Variants in IMPG1 observed in about 807,000 individuals in gnomAD.
IMPG1 encodes interphotoreceptor matrix proteoglycan of 150 kDa.
Under a neutral mutation model 92.0 loss-of-function variants are expected in IMPG1, and 85 were observed. The observed-to-expected ratio is 0.92, with a 90% CI of 0.78 to 1.11. The LOEUF is 1.11. Among genes scored for constraint, IMPG1 ranks in the 50% least tolerant of loss-of-function variants. The probability of loss-of-function intolerance (pLI) is 0.00; values close to 1 mark genes in which losing one functional copy is unlikely to be tolerated. For missense variants in IMPG1, 1,022 were observed against 956.0 expected (o/e 1.07, Z -0.91); for synonymous variants, 367 against 334.1 (o/e 1.10, Z -1.08).
chr6:76,040,448 T>C (rs1214511418), intron 2 of IMPG1, among the ~76,000 whole-genome samples: 1 of 152,186 alleles, frequency 6.6e-6, no homozygotes, highest in Non-Finnish European at 1.5e-5. Flanking sequence ...CCAGGGTCAT[T>C]ATCTGATCAA....
intron 1 of IMPG1, among the ~76,000 whole-genome samples, chr6:76,067,849 G>A (rs530679180): frequency 6.6e-6 from 1 of 152,202 alleles, no homozygotes; most frequent in African/African-American, 2.4e-5. Flanking sequence ...ATAATCAGAT[G>A]AGCTTTATTC....
chr6:76,071,877 T>G (rs570796199), intron 1 of IMPG1, among the ~76,000 whole-genome samples: 1 of 152,234 alleles, frequency 6.6e-6, no homozygotes, highest in East Asian at 1.9e-4. Flanking sequence ...GAACATACAT[T>G]GCCTAGTTCT....
chr6:76,049,642 T>C (rs1784003542), intron 1 of IMPG1, among the ~76,000 whole-genome samples: 3 of 152,186 alleles, frequency 2.0e-5, no homozygotes, highest in Admixed American at 1.3e-4. Context: ...CTTCTGTGAA[T>C]TTGGATATTG....
At chr6:76,009,159 C>T (rs934799508) in intron 8 of IMPG1, among the ~76,000 whole-genome samples, 1 of 152,124 alleles carries the variant, frequency 6.6e-6, no homozygotes, top group Non-Finnish European at 1.5e-5. Context: ...AATAAAGAGG[C>T]TTTGAACATT....
At chr6:75,981,629 G>A (rs1782629485) in intron 12 of IMPG1, among the ~76,000 whole-genome samples, 1 of 152,192 alleles carries the variant, frequency 6.6e-6, no homozygotes, top group Admixed American at 6.5e-5. Flanking sequence ...CTTTTGCCAA[G>A]TTACAGTCAT....
chr6:76,052,995 C>G lies in IMPG1; in HGVS notation c.68-10869G>C, dbSNP rs576865077. Among the ~76,000 whole-genome samples, 8 of 152,242 alleles carry G rather than the reference C, an allele frequency of 5.3e-5. No homozygotes were observed. In the South Asian group the frequency reaches 1.7e-3, roughly 32 times the overall value. ...TCTCCTGCAGCTGGACTTTTCCATACCCCTCCATCATCCTGCTGCCATCTC... is the reference window on the plus strand; with the variant it reads ...TCTCCTGCAGCTGGACTTTTCCATAGCCCTCCATCATCCTGCTGCCATCTC... On this transcript the variant is annotated intron_variant, in intron 1 of 16. Coordinates refer to ENST00000369950, the MANE Select transcript of IMPG1 (RefSeq NM_001563.4).
chr6:75,978,206 C>G (rs908170780), intron 12 of IMPG1, among the ~76,000 whole-genome samples: 1 of 152,080 alleles, frequency 6.6e-6, no homozygotes, highest in Non-Finnish European at 1.5e-5. Flanking sequence ...ACTTAATACT[C>G]GAAAACCTTT....
intron 6 of IMPG1, among the ~76,000 whole-genome samples, chr6:76,020,845 A>T (rs1401180753): frequency 6.6e-6 from 1 of 152,204 alleles, no homozygotes; most frequent in Non-Finnish European, 1.5e-5. Flanking sequence ...CTTACTTTCC[A>T]ATCTGACTCT....
intron 1 of IMPG1, among the ~76,000 whole-genome samples, chr6:76,064,069 TGTTGTGGATACA>T (rs943204518): frequency 1.3e-5 from 2 of 152,236 alleles, no homozygotes; most frequent in South Asian, 2.1e-4. Flanking sequence ...CCCCACCCAC[TGTTGTGGATACA>T]GTTGTGGATA....
intron 1 of IMPG1, among the ~76,000 whole-genome samples, chr6:76,055,374 A>G (rs1192803655): frequency 6.6e-6 from 1 of 152,094 alleles, no homozygotes; most frequent in Non-Finnish European, 1.5e-5. Flanking sequence ...TAAAATTACT[A>G]TGTAATAAAA....
intron 14 of IMPG1, among the ~76,000 whole-genome samples, chr6:75,943,439 C>T (rs181396875): frequency 1.3e-5 from 2 of 152,222 alleles, no homozygotes; most frequent in East Asian, 3.9e-4. Context: ...CTGGCATCAC[C>T]CTCTCCTCTG....
intron 12 of IMPG1, among the ~76,000 whole-genome samples, chr6:75,968,669 C>T (rs1194790620): frequency 1.3e-5 from 2 of 152,002 alleles, no homozygotes; most frequent in African/African-American, 4.8e-5. Context: ...TTTAGCCTCT[C>T]AACATATTAA....
At chr6:75,993,515 A>G (rs768004542) in intron 12 of IMPG1, among the ~76,000 whole-genome samples, 119 of 152,008 alleles carry the variant, frequency 7.8e-4, no homozygotes, top group Non-Finnish European at 1.2e-3. Flanking sequence ...AGAGAGAAAG[A>G]AAGAGAGAGA....
At chr6:75,924,625 A>AT (rs1462687163) in intron 15 of IMPG1, among the ~76,000 whole-genome samples, 18 of 16,672 alleles carry the variant, frequency 1.1e-3, no homozygotes, top group African/African-American at 4.5e-3. Flanking sequence ...AATATATAAT[A>AT]AATTATATAT....
chr6:75,967,698 G>A (rs1782330856), intron 12 of IMPG1, among the ~76,000 whole-genome samples: 1 of 152,140 alleles, frequency 6.6e-6, no homozygotes, highest in Admixed American at 6.5e-5. Context: ...CAAAAAACAT[G>A]TGGGTATCTA....
intron 1 of IMPG1, among the ~76,000 whole-genome samples, chr6:76,055,164 G>A (rs1181896376): frequency 6.6e-6 from 1 of 151,990 alleles, no homozygotes; most frequent in East Asian, 1.9e-4. Flanking sequence ...GATATATACT[G>A]TACTAAAATT....
intron 12 of IMPG1, among the ~76,000 whole-genome samples, chr6:75,972,199 C>G (rs983880231): frequency 2.0e-5 from 3 of 152,076 alleles, no homozygotes; most frequent in Admixed American, 6.6e-5. Flanking sequence ...AATTACTCTT[C>G]CCACTATATA....
At position 76,061,027 on chromosome 6, in the gene IMPG1, A is replaced by G. The variant is rs574054145; in HGVS notation, c.67+11395T>C. Among the ~76,000 whole-genome samples the G allele has an allele frequency of 3.3e-5, 5 of 152,322 alleles. No homozygotes were observed. In the South Asian group the frequency reaches 6.2e-4, roughly 19 times the overall value. ...ATCTGAATTTCCAGACATAATTAGT[A>G]TGCAAATACAGCTGATGTTCAAGGT... On this transcript the variant is annotated intron_variant, in intron 1 of 16. Transcript: ENST00000369950.
intron 12 of IMPG1, among the ~76,000 whole-genome samples, chr6:75,988,769 CT>C (rs1386525657): frequency 6.6e-6 from 1 of 152,170 alleles, no homozygotes; most frequent in Non-Finnish European, 1.5e-5. Flanking sequence ...AAACATTACT[CT>C]TTTAAATCGC....
Sources: allele counts gnomAD v4.1 joint callset (sites outside exome capture counted in the v4.1 genomes callset), GRCh38; gene constraint gnomAD v4.1.1; transcripts MANE v1.5; gene names NCBI Gene and HGNC (gene_info 2026-07-23, HGNC 2026-07-21).